Variants in KCNIP4 observed in about 807,000 individuals in gnomAD.
The protein encoded by KCNIP4 is Kv channel-interacting protein 4.
In KCNIP4, 12 loss-of-function variants were observed where a neutral mutation model predicts 34.0. The ratio of observed to expected loss-of-function variants is 0.35; its 90% CI spans 0.23 to 0.57. The LOEUF (loss-of-function observed/expected upper bound fraction) is 0.57, where lower values mean the gene tolerates loss of function less well. Ranked by LOEUF, KCNIP4 falls within the 20% of genes least tolerant of loss-of-function variation. The probability of loss-of-function intolerance (pLI) is 0.83; values close to 1 mark genes in which losing one functional copy is unlikely to be tolerated. For missense variants in KCNIP4, 238 were observed against 311.7 expected (o/e 0.76, Z 1.78); for synonymous variants, 124 against 102.2 (o/e 1.21, Z -1.29).
chr4:20,769,017 C>T (rs138046422), intron 3 of KCNIP4, among the ~76,000 whole-genome samples: 18 of 150,500 alleles, frequency 1.2e-4, no homozygotes, highest in Middle Eastern at 3.4e-3. Context: ...GTTCTCTCCC[C>T]TTCAGTTCTG....
At chr4:21,628,969 C>A (rs192028427) in intron 1 of KCNIP4, among the ~76,000 whole-genome samples, 9 of 152,064 alleles carry the variant, frequency 5.9e-5, no homozygotes, top group African/African-American at 2.2e-4. Flanking sequence ...ATCTGAAGTA[C>A]AAAAGTATAT....
intron 1 of KCNIP4, among the ~76,000 whole-genome samples, chr4:21,288,473 T>C (rs900167717): frequency 6.6e-6 from 1 of 152,186 alleles, no homozygotes; most frequent in Non-Finnish European, 1.5e-5. Context: ...AATTGACAGT[T>C]ATGAAAAAGA....
intron 1 of KCNIP4, among the ~76,000 whole-genome samples, chr4:21,540,584 T>A (rs1737596513): frequency 6.6e-6 from 1 of 152,156 alleles, no homozygotes; most frequent in African/African-American, 2.4e-5. Flanking sequence ...TAAATAATGA[T>A]GATTCACTGT....
chr4:20,996,662 A>G (rs1048464838), intron 1 of KCNIP4, among the ~76,000 whole-genome samples: 1 of 152,170 alleles, frequency 6.6e-6, no homozygotes, highest in Non-Finnish European at 1.5e-5. Flanking sequence ...CCACACTATC[A>G]GAAGGATTCT....
intron 1 of KCNIP4, among the ~76,000 whole-genome samples, chr4:21,447,649 A>T (rs1052615982): frequency 6.6e-6 from 1 of 152,190 alleles, no homozygotes; most frequent in Non-Finnish European, 1.5e-5. Context: ...ACAGTAAGAT[A>T]TTAACACCAA....
chr4:21,029,865 T>C (rs889381903), intron 1 of KCNIP4, among the ~76,000 whole-genome samples: 3 of 152,224 alleles, frequency 2.0e-5, no homozygotes, highest in African/African-American at 7.2e-5. Context: ...CATTTCAATG[T>C]TTCCATTGGT....
intron 1 of KCNIP4, among the ~76,000 whole-genome samples, chr4:21,488,399 C>A (rs960968230): frequency 6.6e-6 from 1 of 152,042 alleles, no homozygotes; most frequent in Non-Finnish European, 1.5e-5. Flanking sequence ...TTAAAACTAC[C>A]ATTTTTAAAT....
chr4:21,590,930 T>G (rs1374442809), intron 1 of KCNIP4, among the ~76,000 whole-genome samples: 2 of 152,006 alleles, frequency 1.3e-5, no homozygotes, highest in Non-Finnish European at 2.9e-5. Context: ...TGCTGAATAT[T>G]TCTCAGTGCA....
chr4:21,285,741 T>C (rs1161684246), intron 1 of KCNIP4, among the ~76,000 whole-genome samples: 1 of 152,094 alleles, frequency 6.6e-6, no homozygotes, highest in Non-Finnish European at 1.5e-5. Flanking sequence ...CTTGGGAGGC[T>C]GAGGCAGGAG....
intron 1 of KCNIP4, among the ~76,000 whole-genome samples, chr4:21,596,955 G>C (rs1483294470): frequency 6.6e-6 from 1 of 152,136 alleles, no homozygotes; most frequent in East Asian, 1.9e-4. Context: ...CTTTCTATCT[G>C]AAGCCTGTGG....
intron 1 of KCNIP4, among the ~76,000 whole-genome samples, chr4:21,376,332 G>A (rs1189495109): frequency 6.6e-6 from 1 of 152,106 alleles, no homozygotes; most frequent in South Asian, 2.1e-4. Context: ...AAGAATCTTA[G>A]GATGGTATGC....
At chr4:20,790,311 G>A (rs995188920) in intron 3 of KCNIP4, among the ~76,000 whole-genome samples, 9 of 152,178 alleles carry the variant, frequency 5.9e-5, no homozygotes, top group Non-Finnish European at 1.0e-4. Context: ...GTGAGTGAAT[G>A]TGAAGGCCTA....
chr4:20,785,045 G>A lies in KCNIP4; in HGVS notation c.289-26155C>T, dbSNP rs935677223. Among the ~76,000 whole-genome samples, 7 of 152,098 alleles carry A rather than the reference G, an allele frequency of 4.6e-5. 1 individual carries two copies. Among genetic ancestry groups the A allele is most frequent in the Admixed American group, 3.3e-4 (5 of 15,276 alleles). Reference sequence around the variant, plus strand: ...CCAGAAACTGGGGATATATATCATTGGGAAGAGATACAGTTTAATAGAGAG... The same window carrying A: ...CCAGAAACTGGGGATATATATCATTAGGAAGAGATACAGTTTAATAGAGAG... On this transcript the variant is annotated intron_variant, in intron 3 of 8. Coordinates refer to ENST00000382152, the MANE Select transcript of KCNIP4 (RefSeq NM_025221.6).
At chr4:21,012,563 G>T (rs1739149398) in intron 1 of KCNIP4, among the ~76,000 whole-genome samples, 2 of 152,054 alleles carry the variant, frequency 1.3e-5, no homozygotes, top group Non-Finnish European at 2.9e-5. Flanking sequence ...TAAGACCTTG[G>T]CTCGAATCAA....
chr4:21,611,921 T>G (rs1344123144), intron 1 of KCNIP4, among the ~76,000 whole-genome samples: 2 of 152,216 alleles, frequency 1.3e-5, no homozygotes, highest in Non-Finnish European at 2.9e-5. Context: ...CTGTTTGCAT[T>G]CTCAGTAAGA....
intron 4 of KCNIP4, among the ~76,000 whole-genome samples, chr4:20,756,788 C>A (rs889533564): frequency 6.6e-6 from 1 of 152,034 alleles, no homozygotes; most frequent in Non-Finnish European, 1.5e-5. Context: ...AACTATCTAT[C>A]TCTCTTGTGT....
intron 1 of KCNIP4, among the ~76,000 whole-genome samples, chr4:21,417,414 A>G (rs976088010): frequency 4.6e-5 from 7 of 152,078 alleles, no homozygotes; most frequent in African/African-American, 1.7e-4. Context: ...TAAAAAATAA[A>G]AAAACATCAA....
intron 1 of KCNIP4, among the ~76,000 whole-genome samples, chr4:21,208,031 C>T (rs570969322): frequency 6.6e-5 from 10 of 151,542 alleles, no homozygotes; most frequent in African/African-American, 1.5e-4. Flanking sequence ...TTTGTAGATA[C>T]GGGGTTGTGC....
chr4:21,657,594 G>A (rs1748068658), intron 1 of KCNIP4, among the ~76,000 whole-genome samples: 1 of 152,138 alleles, frequency 6.6e-6, no homozygotes, highest in African/African-American at 2.4e-5. Flanking sequence ...AATTATTAAT[G>A]TTTCTTCTAC....
Sources: allele counts gnomAD v4.1 joint callset (sites outside exome capture counted in the v4.1 genomes callset), GRCh38; gene constraint gnomAD v4.1.1; transcripts MANE v1.5; gene names NCBI Gene and HGNC (gene_info 2026-07-23, HGNC 2026-07-21).